Variants in LRRC69 observed in about 807,000 individuals in gnomAD.
LRRC69 encodes leucine-rich repeat-containing protein 69.
A neutral mutation model predicts 37.8 loss-of-function variants in LRRC69; 42 were observed. The observed-to-expected ratio is 1.11, with a 90% CI of 0.87 to 1.44. The LOEUF is 1.44. Ranked by LOEUF, LRRC69 falls within the 40% of genes most tolerant of loss-of-function variation. The pLI, the probability that LRRC69 is intolerant of heterozygous loss-of-function variation, is 0.00. For synonymous variants in LRRC69, 141 were observed against 143.1 expected (o/e 0.99, Z 0.11); for missense variants, 357 against 401.9 (o/e 0.89, Z 0.96).
intron 5 of LRRC69, among the ~76,000 whole-genome samples, chr8:91,166,792 A>G (rs1284311930): frequency 6.6e-6 from 1 of 151,864 alleles, no homozygotes; most frequent in Non-Finnish European, 1.5e-5. Flanking sequence ...GAGTCAGTCC[A>G]GTACTACCCG....
chr8:91,216,937 G>A (rs903214018), intron 7 of LRRC69, among the ~76,000 whole-genome samples: 4 of 151,916 alleles, frequency 2.6e-5, no homozygotes, highest in African/African-American at 4.8e-5. Context: ...CACCCTCCCC[G>A]AAATGTCCTT....
chr8:91,118,647 T>C (rs1256314986), intron 1 of LRRC69: 1 of 170,086 alleles, frequency 5.9e-6, no homozygotes, highest in African/African-American at 2.4e-5. Flanking sequence ...TTTCCATCTA[T>C]AACCATATCA....
rs1333474938 is a variant in LRRC69, at chr8:91,158,139, C to T, written c.651+22400C>T. On this transcript the variant is annotated intron_variant, in intron 5 of 7. Transcript: ENST00000448384. ...CCAGCATTACCAGGTGAAACTCTCA[C>T]TTACCTATGGAAAATCCCAGAAAGA... 10 of 1,599,820 alleles carry T rather than the reference C, an allele frequency of 6.3e-6. No homozygotes were observed. The South Asian group carries it at 1.1e-4, about 18-fold the overall frequency.
chr8:91,184,756 G>T (rs960391449), intron 5 of LRRC69, among the ~76,000 whole-genome samples: 6 of 152,186 alleles, frequency 3.9e-5, no homozygotes, highest in East Asian at 1.9e-4. Flanking sequence ...AGGCCAAATT[G>T]TTCCAAGAAG....
At chr8:91,124,536 C>T (rs771219203) in exon 2 of LRRC69, 38 of 1,541,286 alleles carry the variant, frequency 2.5e-5, no homozygotes, top group South Asian at 8.5e-5. Flanking sequence ...GAAGAAGTTC[C>T]GGAAGAGATG....
intron 5 of LRRC69, among the ~76,000 whole-genome samples, chr8:91,172,035 C>T (rs1374315168): frequency 6.6e-6 from 1 of 151,780 alleles, no homozygotes; most frequent in Non-Finnish European, 1.5e-5. Context: ...ATTATTCATA[C>T]ATGCTTTGTA....
intron 5 of LRRC69, among the ~76,000 whole-genome samples, chr8:91,162,317 G>T (rs1007913020): frequency 2.0e-5 from 3 of 151,338 alleles, no homozygotes; most frequent in Non-Finnish European, 4.4e-5. Context: ...TTGATTTTCT[G>T]TCTGGATACT....
At chr8:91,137,334 A>G (rs1808440130) in intron 5 of LRRC69, among the ~76,000 whole-genome samples, 1 of 151,938 alleles carries the variant, frequency 6.6e-6, no homozygotes, top group Non-Finnish European at 1.5e-5. Flanking sequence ...CACGTTTTCT[A>G]CGGTATTTCT....
chr8:91,141,153 T>C (rs1808527299), intron 5 of LRRC69, among the ~76,000 whole-genome samples: 1 of 152,112 alleles, frequency 6.6e-6, no homozygotes, highest in Non-Finnish European at 1.5e-5. Flanking sequence ...GTATGGCCTT[T>C]AGTGGACACT....
At chr8:91,107,758 C>T (rs1813343090) in intron 1 of LRRC69, among the ~76,000 whole-genome samples, 1 of 151,984 alleles carries the variant, frequency 6.6e-6, no homozygotes, top group South Asian at 2.1e-4. Context: ...ATTTCAGTCA[C>T]TTCTAATGAC....
At chr8:91,207,967 C>T (rs1327708228) in intron 7 of LRRC69, among the ~76,000 whole-genome samples, 2 of 152,188 alleles carry the variant, frequency 1.3e-5, no homozygotes, top group African/African-American at 4.8e-5. Context: ...CTCCTGCAGC[C>T]TCTCTTTTCG....
chr8:91,158,307 A>G (rs1157039738), intron 5 of LRRC69: 14 of 1,491,420 alleles, frequency 9.4e-6, no homozygotes, highest in Non-Finnish European at 9.3e-6. Context: ...AATCCCAGAA[A>G]GAAACTGGAA....
chr8:91,110,235 A>G (rs555051802), intron 1 of LRRC69, among the ~76,000 whole-genome samples: 13 of 152,242 alleles, frequency 8.5e-5, no homozygotes, highest in Admixed American at 3.3e-4. Flanking sequence ...TATACATCTT[A>G]TAGGCAAATA....
chr8:91,158,095 G>A (rs1808868693), intron 5 of LRRC69: 7 of 1,518,380 alleles, frequency 4.6e-6, no homozygotes, highest in South Asian at 2.2e-5. Context: ...GGGTACAAAC[G>A]GAGAGTTCTA....
chr8:91,166,492 G>GAAAAAAAAAAAAAAAAAAAAAA (rs66705016), intron 5 of LRRC69, among the ~76,000 whole-genome samples: 2 of 95,298 alleles, frequency 2.1e-5, no homozygotes, highest in African/African-American at 5.1e-5. Context: ...AAAATAAACT[G>GAAAAAAAAAAAAAAAAAAAAAA]AAAAAAAAAA....
chr8:91,117,194 C>T (rs911694149), intron 1 of LRRC69, among the ~76,000 whole-genome samples: 1 of 151,846 alleles, frequency 6.6e-6, no homozygotes, highest in South Asian at 2.1e-4. Flanking sequence ...ATCTTTTGGG[C>T]AGCTGTTTAG....
At chr8:91,212,924 C>T (rs1262074334) in intron 7 of LRRC69, among the ~76,000 whole-genome samples, 1 of 152,160 alleles carries the variant, frequency 6.6e-6, no homozygotes, top group Non-Finnish European at 1.5e-5. Flanking sequence ...GTCTTGATTA[C>T]TTTTACTCCT....
intron 5 of LRRC69, among the ~76,000 whole-genome samples, chr8:91,144,271 A>G (rs1475130913): frequency 1.3e-5 from 2 of 151,940 alleles, no homozygotes; most frequent in Non-Finnish European, 2.9e-5. Flanking sequence ...TCTGTACCCA[A>G]GGGTGTACAA....
chr8:91,213,639 T>C (rs1809978125), intron 7 of LRRC69, among the ~76,000 whole-genome samples: 1 of 152,228 alleles, frequency 6.6e-6, no homozygotes, highest in South Asian at 2.1e-4. Flanking sequence ...AGATATTAAA[T>C]GAGTGATAGA....
Sources: gnomAD v4.1 joint callset for allele counts (sites outside exome capture counted in the v4.1 genomes callset) on GRCh38, gnomAD v4.1.1 for gene constraint, MANE v1.5 for transcripts, NCBI Gene and HGNC (gene_info 2026-07-23, HGNC 2026-07-21) for gene names.